The following RASAL3 variants were observed in gnomAD, a reference collection of about 807,000 sequenced individuals.
The protein encoded by RASAL3 is RAS protein activator like-3.
Under a neutral mutation model 105.5 loss-of-function variants are expected in RASAL3, and 74 were observed. The ratio of observed to expected loss-of-function variants is 0.70; its 90% CI spans 0.58 to 0.85. The LOEUF (loss-of-function observed/expected upper bound fraction) is 0.85, where lower values mean the gene tolerates loss of function less well. RASAL3 is among the 40% of genes least tolerant of loss of function. RASAL3 has a pLI of 0.00. For synonymous variants in RASAL3, 579 were observed against 591.6 expected, an observed-to-expected ratio of 0.98 and a Z score of 0.31; for missense variants, 1,352 against 1,392.0, an observed-to-expected ratio of 0.97 and a Z score of 0.46.
In RASAL3 at chr19:15,457,057, G is replaced by T. The variant is rs530159914; in HGVS notation, c.1431+235C>A. ...CCCTCACAGCTGACGCTCAGGTCCC[G>T]CCCTTCAAGGTGCCCCGCCCCTTAC... On this transcript the variant is annotated intron_variant, in intron 9 of 17. Transcript: ENST00000343625. This position sits in a 1 kb window ranked among gnomAD's most constrained non-coding sequence, Gnocchi z 8.6. 6.6e-6 allele frequency among the ~76,000 whole-genome samples: 1 copy of T among 150,692 alleles called. No homozygotes were observed. Among genetic ancestry groups the T allele is most frequent in the Admixed American group, 6.6e-5 (1 of 15,176 alleles).
chr19:15,460,209 C>T lies in RASAL3; in HGVS notation c.656G>A (p.Arg219Gln), dbSNP rs367734005. 1.5e-5 allele frequency: 24 copies of T among 1,607,264 alleles called. No individual in the cohort carries two copies. The highest frequency in any genetic ancestry group is 4.0e-5 in the African/African-American group (3 of 74,808). ...GCCTCTCATACACCCTTACCCATCC[C>T]GGGGCTCCAACCTGGCCTTTTTCTT... ...KEKKKARLEP[R>Q]DGPPSALGSR... Residue 219 changes from arginine to glutamine, a missense_variant, in exon 6 of 18, where the codon CGG becomes CAG. Physicochemically the swap from Arg to Gln is conservative, Grantham distance 43. Around this residue, in one of 3 missense-constraint regions of RASAL3, gnomAD observed 344 missense variants for 339.6 expected, o/e 1.01. Coordinates refer to ENST00000343625, the MANE Select transcript of RASAL3 (RefSeq NM_022904.3).
In RASAL3 at chr19:15,453,363, TCTTCGTCCG is replaced by T; in HGVS notation, c.2405_2413del (p.Pro802_Glu805delinsGln). On this transcript the variant is annotated inframe_deletion, in exon 15 of 18. Transcript: ENST00000343625. The surrounding 1 kb of genome is among the most constrained non-coding windows in gnomAD (Gnocchi z 4.2). ...CGGCCGGGGCCGCCGCAGGGGCCGC[TCTTCGTCCG>T]GCCGTGGCCGGGCCCAACTCTCTGA... 6.9e-7 allele frequency: 1 copy of T among 1,442,802 alleles called. No individual in the cohort carries two copies. Among genetic ancestry groups the T allele is most frequent in the South Asian group, 1.4e-5 (1 of 70,650 alleles). 89.4% of individuals were successfully genotyped at this position (1,442,802 alleles called of 1,614,324 possible). A position where few individuals can be genotyped will look rare whatever the true frequency, so the allele number is the denominator to read the frequency against.
At chr19:15,463,832 C>T in intron 2 of RASAL3, among the ~76,000 whole-genome samples, 199 bp downstream of exon 2, 1 of 152,182 alleles carries the variant, frequency 6.6e-6, no homozygotes, top group Middle Eastern at 3.2e-3. Context: ...GACCCTCTGC[C>T]CACAGGACCC....
At chr19:15,459,424 A>C (rs1472018900) in intron 6 of RASAL3, among the ~76,000 whole-genome samples, 1 of 138,222 alleles carries the variant, frequency 7.2e-6, no homozygotes, top group Admixed American at 7.2e-5. Context: ...TTTGTATTTT[A>C]AGTAGAGATG....
intron 5 of RASAL3, 135 bp downstream of exon 5, chr19:15,460,925 G>A: frequency 1.3e-6 from 1 of 760,850 alleles, no homozygotes; most frequent in East Asian, 2.7e-5. Context: ...AGCTTCATTT[G>A]ACAGACTGGG....
chr19:15,464,317 G>A lies in RASAL3; in HGVS notation c.42C>T (p.Pro14=), dbSNP rs1204351084. 1.2e-6 allele frequency: 2 copies of A among 1,610,772 alleles called. No homozygotes were observed. The highest frequency in any genetic ancestry group is 1.7e-6 in the Non-Finnish European group (2 of 1,179,216). The stretch of plus-strand genomic sequence containing the variant: ...AGGAAGTCAGCGGAGAGGTGGCTGT[G>A]GGCTGGGTTTGGGAGGTCCGGCTTG... The part of the protein sequence containing the change: ...PSPSRTSQTQ[P]TATSPLTSYR... The change falls in exon 2 of 18, where the codon CCC becomes CCT. Residue 14 remains proline (P), a synonymous_variant. Transcript: ENST00000343625.
rs367722092 is a variant in RASAL3 at position 15,458,776 on chromosome 19, GC to G, written c.663-122del. The G allele has an allele frequency of 9.9e-4, 1,199 of 1,212,122 alleles. 10 individuals carry two copies. In the African/African-American group the frequency reaches 0.014, roughly 14 times the overall value. 75.1% of individuals were successfully genotyped at this position (1,212,122 alleles called of 1,614,324 possible). A position where few individuals can be genotyped will look rare whatever the true frequency, so the allele number is the denominator to read the frequency against. On this transcript the variant is annotated intron_variant, in intron 6 of 17. Transcript: ENST00000343625. ...AATTCGGATCCCGTTTCTCCCCCGT[GC>G]CCCCCCCACCCCCCGCCATGGCACC...
At position 15,461,149 on chromosome 19, in the gene RASAL3, G is replaced by C. The variant is rs1029155749; in HGVS notation, c.545-28C>G. The C allele has an allele frequency of 5.6e-6, 9 of 1,613,658 alleles. 1 individual carries two copies. Among genetic ancestry groups the C allele is most frequent in the South Asian group, 2.2e-5 (2 of 91,038 alleles). On this transcript the variant is annotated intron_variant, in intron 4 of 17. Transcript: ENST00000343625. ...GTGGGTCGTTATGGGTGGCAGGTTG[G>C]GGGGTTGGATTCTGCCCCACTTTTA...
At position 15,456,174 on chromosome 19, in the gene RASAL3, G is replaced by A. The variant is rs773877496; in HGVS notation, c.1651C>T (p.Leu551=). 6.2e-7 allele frequency: 1 copy of A among 1,613,844 alleles called. No homozygotes were observed. The highest frequency in any genetic ancestry group is 8.5e-7 in the Non-Finnish European group (1 of 1,179,822). The change falls in exon 11 of 18, where the codon CTG becomes TTG. Residue 551 remains leucine (L), a synonymous_variant. Transcript: ENST00000343625. This position sits in a 1 kb window ranked among gnomAD's most constrained non-coding sequence, Gnocchi z 4.4. ...CGAAGTCTGGCCTGGTGCTCTGGCA[G>A]CTCCGAGGCTGGACATTTGCTGGGG... ...VDPSKCPASE[L]PEHQARLRNS...
chr19:15,457,439 C>G lies in RASAL3; in HGVS notation c.1284G>C (p.Pro428=). Residue 428 remains proline (P), a synonymous_variant, in exon 9 of 18, where the codon CCG becomes CCC. Coordinates refer to ENST00000343625, the MANE Select transcript of RASAL3 (RefSeq NM_022904.3). The surrounding 1 kb of genome is among the most constrained non-coding windows in gnomAD (Gnocchi z 8.6). ...CCGCCAGCTCCTTGTAGCGCTCGGA[C>G]GGCAGCACGCGCAGGCGACGCGCCC... is the stretch of plus-strand genomic sequence containing the variant. ...RIRARRLRVL[P]SERYKELAEF... 12 of 1,423,162 alleles carry G rather than the reference C, an allele frequency of 8.4e-6. No homozygotes were observed. Among genetic ancestry groups the G allele is most frequent in the East Asian group, 6.8e-5 (2 of 29,562 alleles). 88.2% of individuals were successfully genotyped at this position (1,423,162 alleles called of 1,614,324 possible).
chr19:15,453,342 C>A lies in RASAL3; in HGVS notation c.2435G>T (p.Arg812Leu). ...PDEERPLRRP[R>L]PVQRTQSVPV... ...GACACTCTGCGTGCGCTGCACCGGC[C>A]GGGGCCGCCGCAGGGGCCGCTCTTC... Residue 812 changes from arginine to leucine, a missense_variant, in exon 15 of 18, where the codon CGG becomes CTG. This residue lies in a region of RASAL3 where 920 missense variants were observed against 919.6 expected (regional missense o/e 1.00). Coordinates refer to ENST00000343625, the MANE Select transcript of RASAL3 (RefSeq NM_022904.3). This position sits in a 1 kb window ranked among gnomAD's most constrained non-coding sequence, Gnocchi z 4.2. 1 of 1,426,448 alleles carries A rather than the reference C, an allele frequency of 7.0e-7. No individual in the cohort carries two copies. Among genetic ancestry groups the A allele is most frequent in the South Asian group, 1.5e-5 (1 of 67,468 alleles). The allele number at this position is 1,426,448 out of a possible 1,614,324, so 88.4% of individuals were successfully genotyped here.
In RASAL3 at chr19:15,454,882, G is replaced by A. The variant is rs781117253; in HGVS notation, c.1733C>T (p.Ala578Val). The change falls in exon 12 of 18, where the codon GCG becomes GTG. Residue 578 changes from alanine (A) to valine (V), a missense_variant. Around this residue, in one of 3 missense-constraint regions of RASAL3, gnomAD observed 920 missense variants for 919.6 expected, o/e 1.00. Coordinates refer to ENST00000343625, the MANE Select transcript of RASAL3 (RefSeq NM_022904.3). ...TIIHSYDWFP[A>V]ELGIVFSSWR... ...GCTTGAGAACACGATGCCCAGCTCCGCAGGGAACCAGCTGGTGCAGAAGAG... is the reference window on the plus strand; with the variant it reads ...GCTTGAGAACACGATGCCCAGCTCCACAGGGAACCAGCTGGTGCAGAAGAG... 17 of 1,557,698 alleles carry A rather than the reference G, an allele frequency of 1.1e-5. No individual in the cohort carries two copies. The highest frequency in any genetic ancestry group is 1.7e-4 in the Middle Eastern group (1 of 6,010).
intron 6 of RASAL3, among the ~76,000 whole-genome samples, chr19:15,459,564 A>G (rs374127472): frequency 1.3e-5 from 2 of 148,654 alleles, no homozygotes; most frequent in Admixed American, 6.7e-5. Context: ...TTGAGACACA[A>G]TCTTGCTCTG....
chr19:15,452,492 G>T (rs938696049), intron 16 of RASAL3, 166 bp downstream of exon 16: 64 of 665,018 alleles, frequency 9.6e-5, no homozygotes, highest in Non-Finnish European at 1.5e-4. Context: ...GTCCACCTGG[G>T]GGCGGGGCTT....
In RASAL3 at chr19:15,464,219, C is replaced by G; in HGVS notation, c.140G>C (p.Gly47Ala). ...GGGCTCCTGGTGGCTCAGGGCCCTG[C>G]CCCAGCCAGCAAAGCGGCCCCAGCG... is the stretch of plus-strand genomic sequence containing the variant. ...GFRWGRFAGW[G>A]RALSHQEPMV... Residue 47 changes from glycine (G) to alanine (A), a missense_variant, in exon 2 of 18, where the codon GGC (glycine) becomes GCC (alanine). Around this residue, in one of 3 missense-constraint regions of RASAL3, gnomAD observed 344 missense variants for 339.6 expected, o/e 1.01. Transcript: ENST00000343625. 1 of 1,609,490 alleles carries G rather than the reference C, an allele frequency of 6.2e-7. No homozygotes were observed. Among genetic ancestry groups the G allele is most frequent in the Non-Finnish European group, 8.5e-7 (1 of 1,178,564 alleles).
At chr19:15,452,337 T>C (rs1186353194) in intron 16 of RASAL3, 4 of 603,344 alleles carry the variant, frequency 6.6e-6, no homozygotes, top group Middle Eastern at 4.4e-4. Context: ...TGGCCAGTCC[T>C]GGGTGGGGTC....
rs542510783 is a variant in RASAL3 at position 15,454,627 on chromosome 19, T to G, written c.1958+30A>C. ...TGCCACCCCCACACTCCCAGCATGG[T>G]CCCCCCACCCCTAGCTTCCCAGCAC... On this transcript the variant is annotated intron_variant, in intron 12 of 17. Coordinates refer to ENST00000343625, the MANE Select transcript of RASAL3 (RefSeq NM_022904.3). The G allele has an allele frequency of 3.7e-6, 6 of 1,610,966 alleles. No homozygotes were observed. In the Admixed American group the frequency reaches 1.0e-4, roughly 27 times the overall value.
rs757404216 is a variant in RASAL3 at position 15,464,007 on chromosome 19, G to A, written c.328+24C>T. ...CATCCGGCTTCCCAGCCCGGCCCAAGCTCAGGGTGGGGGAACCATGTACCT... is the reference window on the plus strand; with the variant it reads ...CATCCGGCTTCCCAGCCCGGCCCAAACTCAGGGTGGGGGAACCATGTACCT... On this transcript the variant is annotated intron_variant, in intron 2 of 17. Transcript: ENST00000343625. 1.3e-5 allele frequency: 20 copies of A among 1,520,754 alleles called. No homozygotes were observed. In the East Asian group the frequency reaches 4.3e-4, roughly 33 times the overall value. 94.2% of individuals were successfully genotyped at this position (1,520,754 alleles called of 1,614,324 possible).
In RASAL3 at chr19:15,464,381, G is replaced by A; in HGVS notation, c.-19-4C>T. 1 of 1,457,390 alleles carries A rather than the reference G, an allele frequency of 6.9e-7. No homozygotes were observed. 90.3% of individuals were successfully genotyped at this position (1,457,390 alleles called of 1,614,324 possible). On this transcript the variant is annotated splice_polypyrimidine_tract_variant and splice_region_variant and intron_variant, in intron 1 of 17. Transcript: ENST00000343625. ...CATGGTTGGGGGGGGGGGTCTCCTG[G>A]GGGACGAGAGAGTGACAGTAGTGCC...
Sources: allele counts gnomAD v4.1 joint callset (sites outside exome capture counted in the v4.1 genomes callset), GRCh38; gene constraint gnomAD v4.1.1; regional missense constraint gnomAD v4.1.1; non-coding constraint Gnocchi (gnomAD v3.1); transcripts MANE v1.5; gene names NCBI Gene and HGNC (gene_info 2026-07-23, HGNC 2026-07-21).